ACTN3: variants seen among roughly 807,000 people sequenced by gnomAD.
ACTN3 encodes actinin alpha 3.
ACTN3 carries 91 observed loss-of-function variants against 119.6 expected under a neutral mutation model. That is an observed-to-expected ratio of 0.76 (90% CI 0.64 to 0.91). ACTN3 has a LOEUF of 0.91. Ranked by LOEUF, ACTN3 falls within the 40% of genes least tolerant of loss-of-function variation. The pLI is 0.00. For missense variants in ACTN3, 1,221 were observed against 1,215.1 expected, an observed-to-expected ratio of 1.00 and a Z score of -0.07; for synonymous variants, 456 against 478.8, an observed-to-expected ratio of 0.95 and a Z score of 0.62.
intron 19 of ACTN3, 38 bp from the exon 20 acceptor site, chr11:66,562,758 G>A (rs1857812084): frequency 1.3e-6 from 2 of 1,562,894 alleles, no homozygotes; most frequent in Non-Finnish European, 1.7e-6. Flanking sequence ...CCTGGCTTTA[G>A]TGCTCATGGG....
intron 1 of ACTN3, among the ~76,000 whole-genome samples, chr11:66,547,640 C>A (rs987778784): frequency 6.6e-6 from 1 of 152,154 alleles, no homozygotes; most frequent in African/African-American, 2.4e-5. Context: ...GACATCAGGA[C>A]CCCCGCAACC....
rs189588769 is a variant in ACTN3, at chr11:66,560,866, C to T, written c.1860+111C>T. ...TAAAGTCCATCTTCAGATGTGGGGT[C>T]TGCCACAGACTCCACGTGGGATTGG... On this transcript the variant is annotated intron_variant, in intron 15 of 20. Transcript: ENST00000513398. 6.7e-6 allele frequency: 8 copies of T among 1,201,274 alleles called. No individual in the cohort carries two copies. In the African/African-American group the frequency reaches 1.1e-4, roughly 16 times the overall value. 74.4% of individuals were successfully genotyped at this position (1,201,274 alleles called of 1,614,324 possible). A position where few individuals can be genotyped will look rare whatever the true frequency, so the allele number is the denominator to read the frequency against.
At chr11:66,548,769 C>T (rs949778694) in intron 1 of ACTN3, among the ~76,000 whole-genome samples, 3 of 152,158 alleles carry the variant, frequency 2.0e-5, no homozygotes, top group East Asian at 3.8e-4. Flanking sequence ...CATGTGCCAG[C>T]GCTGTTTCAG....
At chr11:66,550,923 T>C in intron 1 of ACTN3, 2 of 436,502 alleles carry the variant, frequency 4.6e-6, no homozygotes, top group Non-Finnish European at 8.8e-6. Flanking sequence ...GCCCCACATT[T>C]TGAATGTGTT....
At chr11:66,560,148 C>T (rs1280554836) in intron 13 of ACTN3, 23 bp from the exon 14 acceptor site, 2 of 1,580,678 alleles carry the variant, frequency 1.3e-6, no homozygotes, top group Non-Finnish European at 1.7e-6. Context: ...AGGCTTCTGA[C>T]CCACTACGCC....
At chr11:66,550,965 AC>A (rs1565303296) in intron 1 of ACTN3, 1 of 581,936 alleles carries the variant, frequency 1.7e-6, no homozygotes, top group Non-Finnish European at 3.2e-6. Flanking sequence ...AGTGTTTAAG[AC>A]CCCCAAGGCT....
rs1455132344 is a variant in ACTN3 at position 66,560,005 on chromosome 11, C to G, written c.1465C>G (p.Arg489Gly). ...CCACGAGGCAGCCTCAGTGAATAGC[C>G]GCTGCCAGGCCATCTGCGATCAGTG... ...DYHEAASVNS[R>G]CQAICDQWDN... is the part of the protein sequence containing the mutation. Residue 489 changes from arginine (R) to glycine (G), a missense_variant, in exon 13 of 21, where the codon CGC (arginine) becomes GGC (glycine). This residue lies in a region of ACTN3 where 934 missense variants were observed against 899.9 expected (regional missense o/e 1.04). Coordinates refer to ENST00000513398, the MANE Select transcript of ACTN3 (RefSeq NM_001104.4). 1 of 1,603,768 alleles carries G rather than the reference C, an allele frequency of 6.2e-7. No homozygotes were observed.
At position 66,557,709 on chromosome 11, in the gene ACTN3, G is replaced by A. The variant is rs996496796; in HGVS notation, c.908G>A (p.Trp303Ter). ...GCCTGGCCCTGTCAGCTGCTGGAGTGGATCCGCCGCACTGTCCCATGGCTG... is the reference window on the plus strand; with the variant it reads ...GCCTGGCCCTGTCAGCTGCTGGAGTAGATCCGCCGCACTGTCCCATGGCTG... ...YEKLASELLE[W>*]IRRTVPWLEN... Residue 303 changes from tryptophan (W) to a stop codon, truncating the protein, a stop_gained, in exon 10 of 21, where the codon TGG becomes TAG. Transcript: ENST00000513398. LOFTEE classifies it high-confidence loss of function. The A allele has an allele frequency of 6.2e-7, 1 of 1,610,842 alleles. No homozygotes were observed.
At chr11:66,547,828 G>A (rs982266026) in intron 1 of ACTN3, among the ~76,000 whole-genome samples, 3 of 152,026 alleles carry the variant, frequency 2.0e-5, no homozygotes, top group African/African-American at 4.8e-5. Flanking sequence ...CCTCGGGGGC[G>A]CCAAAGAGGG....
At chr11:66,549,685 C>T (rs1857432209) in intron 1 of ACTN3, among the ~76,000 whole-genome samples, 3 of 145,086 alleles carry the variant, frequency 2.1e-5, no homozygotes, top group Middle Eastern at 3.6e-3. Context: ...GAGTAGAGAT[C>T]GCACCATTGC....
rs761796701 is a variant in ACTN3 at position 66,559,316 on chromosome 11, G to A, written c.1357G>A (p.Ala453Thr). Residue 453 changes from alanine (A) to threonine (T), a missense_variant, in exon 12 of 21, where the codon GCC becomes ACC. Physicochemically the swap from Ala to Thr is moderately conservative, Grantham distance 58 (BLOSUM62 0). Coordinates refer to ENST00000513398, the MANE Select transcript of ACTN3 (RefSeq NM_001104.4). Reference protein sequence around the residue: ...EVRALLRRHEAFESDLAAHQD... With the variant: ...EVRALLRRHETFESDLAAHQD... The stretch of plus-strand genomic sequence containing the variant: ...GCGGGCGTTGCTGCGGCGCCACGAG[G>A]CCTTTGAGAGCGACCTGGCGGCGCA... The A allele has an allele frequency of 3.9e-5, 61 of 1,575,636 alleles. No homozygotes were observed. The highest frequency in any genetic ancestry group is 4.8e-5 in the Non-Finnish European group (56 of 1,163,478).
chr11:66,554,087 G>C lies in ACTN3; in HGVS notation c.425G>C (p.Trp142Ser). 6.2e-7 allele frequency: 1 copy of C among 1,613,860 alleles called. No homozygotes were observed. The change falls in exon 4 of 21, where the codon TGG (tryptophan) becomes TCG (serine). Residue 142 changes from tryptophan (W) to serine (S), a missense_variant. Physicochemically the swap from Trp to Ser is radical, Grantham distance 177. This residue lies in a region of ACTN3 where 239 missense variants were observed against 231.8 expected (regional missense o/e 1.03). Coordinates refer to ENST00000513398, the MANE Select transcript of ACTN3 (RefSeq NM_001104.4). ...GNLKMTLGMI[W>S]TIILRFAIQD... ...CTGAAGATGACCCTGGGCATGATCT[G>C]GACCATCATCCTTCGCTTCGCCATC...
chr11:66,554,917 CG>C (rs1857556912), intron 5 of ACTN3, among the ~76,000 whole-genome samples: 1 of 152,098 alleles, frequency 6.6e-6, no homozygotes, highest in African/African-American at 2.4e-5. Flanking sequence ...AGAAACTGGT[CG>C]GGCCTAAGCA....
chr11:66,552,655 G>C (rs998635270), intron 3 of ACTN3, among the ~76,000 whole-genome samples: 4 of 150,882 alleles, frequency 2.7e-5, no homozygotes, highest in African/African-American at 7.3e-5. Flanking sequence ...TCAGGAGTTT[G>C]AGACCATCCT....
At position 66,560,625 on chromosome 11, in the gene ACTN3, G is replaced by A. The variant is rs781859126; in HGVS notation, c.1730G>A (p.Arg577Gln). ...AAGGCAACACTGCCCGAGGCTGACC[G>A]AGAGCGAGGTGCCATCATGGGCATC... The part of the protein sequence containing the change: ...QFKATLPEAD[R>Q]ERGAIMGIQG... The change falls in exon 15 of 21, where the codon CGA (arginine) becomes CAA (glutamine). Residue 577 changes from arginine (R) to glutamine (Q), a missense_variant. Transcript: ENST00000513398. The A allele has an allele frequency of 1.2e-6, 2 of 1,613,768 alleles. No individual in the cohort carries two copies. The highest frequency in any genetic ancestry group is 1.7e-6 in the Non-Finnish European group (2 of 1,179,882).
rs578185230 is a variant in ACTN3 at position 66,557,929 on chromosome 11, G to C, written c.1128G>C (p.Ser376=). The change falls in exon 10 of 21, where the codon TCG becomes TCC. Residue 376 remains serine (S), a splice_region_variant and synonymous_variant. Transcript: ENST00000513398. ...TGCCCTCCGAGGGCAAGCTGGTCTC[G>C]GTGAGCTCTACACACATTCCCTAGG... ...AFMPSEGKLV[S]DIANAWRGLE... is the part of the protein sequence containing the mutation. 6.4e-7 allele frequency: 1 copy of C among 1,566,880 alleles called. No homozygotes were observed.
chr11:66,562,311 G>C lies in ACTN3; in HGVS notation c.2377G>C (p.Gly793Arg). 1.9e-6 allele frequency: 3 copies of C among 1,612,948 alleles called. No homozygotes were observed. Among genetic ancestry groups the C allele is most frequent in the Non-Finnish European group, 2.5e-6 (3 of 1,179,830 alleles). ...CTTCCGAGCTTGCCTCATCTCCATG[G>C]GCTATGACCTGGTGAGAGCTCCCCA... ...DDFRACLISM[G>R]YDLGEVEFAR... The change falls in exon 19 of 21, where the codon GGC becomes CGC. Residue 793 changes from glycine (G) to arginine (R), a missense_variant. By Grantham distance (125) the Gly-to-Arg change is moderately radical. Around this residue, in one of 3 missense-constraint regions of ACTN3, gnomAD observed 934 missense variants for 899.9 expected, o/e 1.04. Transcript: ENST00000513398.
intron 17 of ACTN3, 161 bp downstream of exon 17, chr11:66,561,798 C>A (rs1236834233): frequency 5.0e-6 from 3 of 596,448 alleles, no homozygotes; most frequent in East Asian, 1.5e-4. Context: ...TCCAGAGTCA[C>A]AAAGCCGTCC....
chr11:66,561,351 C>G lies in ACTN3; in HGVS notation c.1985C>G (p.Ala662Gly). Residue 662 changes from alanine (A) to glycine (G), a missense_variant, in exon 16 of 21, where the codon GCG becomes GGG. By Grantham distance (60) the Ala-to-Gly change is moderately conservative. Around this residue, in one of 3 missense-constraint regions of ACTN3, gnomAD observed 934 missense variants for 899.9 expected, o/e 1.04. Transcript: ENST00000513398. The part of the protein sequence containing the change: ...QANAIGPWIQ[A>G]KVEEVGRLAA... ...AATGCCATTGGACCCTGGATCCAGG[C>G]GAAGGTGGAGGTAAGGGCTGGGATA... is the stretch of plus-strand genomic sequence containing the variant. 6.2e-7 allele frequency: 1 copy of G among 1,610,150 alleles called. No individual in the cohort carries two copies. The highest frequency in any genetic ancestry group is 8.5e-7 in the Non-Finnish European group (1 of 1,178,076).
Sources: allele counts gnomAD v4.1 joint callset (sites outside exome capture counted in the v4.1 genomes callset), GRCh38; gene constraint gnomAD v4.1.1; regional missense constraint gnomAD v4.1.1; transcripts MANE v1.5; gene names NCBI Gene and HGNC (gene_info 2026-07-23, HGNC 2026-07-21).